Variants in CFAP54 observed in about 807,000 individuals in gnomAD.
CFAP54 encodes cilia and flagella associated protein 54, also known as cilia- and flagella-associated protein 54.
Under a neutral mutation model 370.4 loss-of-function variants are expected in CFAP54, and 290 were observed. That is an observed-to-expected ratio of 0.78 (90% CI 0.71 to 0.86). The LOEUF is 0.86. CFAP54 is among the 40% of genes least tolerant of loss of function. The pLI is 0.00. For synonymous variants in CFAP54, 1,206 were observed against 1,236.5 expected (o/e 0.98, Z 0.52); for missense variants, 3,399 against 3,528.7 (o/e 0.96, Z 0.93).
chr12:96,547,765 C>G, intron 14 of CFAP54, 137 bp from the exon 15 acceptor site: 2 of 398,734 alleles, frequency 5.0e-6, no homozygotes, highest in Non-Finnish European at 8.9e-6. Flanking sequence ...TTTTATTTCT[C>G]TGGTCCTTCC....
intron 39 of CFAP54, among the ~76,000 whole-genome samples, chr12:96,667,357 C>T (rs1397479242): frequency 6.6e-6 from 1 of 152,230 alleles, no homozygotes; most frequent in East Asian, 1.9e-4. Flanking sequence ...GACAGAGGTT[C>T]TCCATGAGGG....
At chr12:96,509,369 A>G (rs2136355919) in intron 4 of CFAP54, among the ~76,000 whole-genome samples, 1 of 152,300 alleles carries the variant, frequency 6.6e-6, no homozygotes, top group Admixed American at 6.5e-5. Context: ...AGTAGTCAAA[A>G]CTATATTTGA....
chr12:96,833,449 A>G (rs1472461199), intron 66 of CFAP54, among the ~76,000 whole-genome samples: 5 of 152,112 alleles, frequency 3.3e-5, no homozygotes, highest in African/African-American at 1.2e-4. Flanking sequence ...AAAATGAAAT[A>G]GTTTCATATT....
intron 12 of CFAP54, among the ~76,000 whole-genome samples, chr12:96,537,234 C>T (rs558026017): frequency 6.6e-6 from 1 of 152,302 alleles, no homozygotes; most frequent in African/African-American, 2.4e-5. Flanking sequence ...CATCAGTTGA[C>T]ACCCAGTGTG....
At chr12:96,825,112 C>T (rs1178552168) in intron 65 of CFAP54, among the ~76,000 whole-genome samples, 1 of 149,880 alleles carries the variant, frequency 6.7e-6, no homozygotes, top group Non-Finnish European at 1.5e-5. Context: ...TTTCAAGGCT[C>T]AATTCTTATG....
intron 50 of CFAP54, among the ~76,000 whole-genome samples, chr12:96,728,203 C>A (rs1451111347): frequency 1.3e-5 from 2 of 151,728 alleles, no homozygotes; most frequent in Admixed American, 6.6e-5. Flanking sequence ...CTCTGTATTT[C>A]CTGAATCTGA....
At chr12:96,690,064 C>T (rs529622620) in intron 43 of CFAP54, among the ~76,000 whole-genome samples, 2 of 152,302 alleles carry the variant, frequency 1.3e-5, no homozygotes, top group African/African-American at 4.8e-5. Flanking sequence ...TCTTTACTTT[C>T]TGATACTCCT....
chr12:96,568,241 G>T (rs919367411), intron 19 of CFAP54, among the ~76,000 whole-genome samples: 60 of 146,308 alleles, frequency 4.1e-4, no homozygotes, highest in South Asian at 1.2e-3. Context: ...TTTAAAAAAT[G>T]TAAAATTTAC....
At chr12:96,602,858 G>A (rs1209448378) in intron 26 of CFAP54, among the ~76,000 whole-genome samples, 9 of 152,144 alleles carry the variant, frequency 5.9e-5, no homozygotes, top group Non-Finnish European at 8.8e-5. Context: ...GTCTTTGCAT[G>A]TAAGATGGGT....
chr12:96,576,512 A>G (rs1592859385), intron 19 of CFAP54, 73 bp from the exon 20 acceptor site: 6 of 1,123,014 alleles, frequency 5.3e-6, no homozygotes, highest in Middle Eastern at 2.5e-4. Flanking sequence ...GTTTAACATC[A>G]CTAGAATTCT....
chr12:96,765,953 A>G (rs1958398397), intron 60 of CFAP54, among the ~76,000 whole-genome samples: 1 of 152,172 alleles, frequency 6.6e-6, no homozygotes, highest in Admixed American at 6.5e-5. Context: ...TTGTGTGCTA[A>G]GCACTTGGAT....
At chr12:96,700,334 T>G (rs1054082640) in intron 46 of CFAP54, among the ~76,000 whole-genome samples, 3 of 151,960 alleles carry the variant, frequency 2.0e-5, no homozygotes, top group Non-Finnish European at 4.4e-5. Context: ...GGCTCAGGGA[T>G]GCTGCATGTT....
At chr12:96,664,337 G>A (rs1349153023) in intron 39 of CFAP54, among the ~76,000 whole-genome samples, 2 of 152,010 alleles carry the variant, frequency 1.3e-5, no homozygotes, top group East Asian at 1.9e-4. Context: ...ATGTGTCCAT[G>A]TGTTCTTATT....
rs756212924 is a variant in CFAP54 at position 96,594,453 on chromosome 12, G to T, written c.3516+7G>T. The T allele has an allele frequency of 6.7e-6, 10 of 1,494,906 alleles. No homozygotes were observed. The South Asian group carries it at 1.2e-4, about 17-fold the overall frequency. The allele number at this position is 1,494,906 out of a possible 1,614,324, so 92.6% of individuals were successfully genotyped here. A position where few individuals can be genotyped will look rare whatever the true frequency, so the allele number is the denominator to read the frequency against. ...TTTGGTACCTGTTGTACAGGTAAGG[G>T]TATTCCTCTCCCCAAGAGAAGGGAA... is the stretch of plus-strand genomic sequence containing the variant. On this transcript the variant is annotated splice_region_variant and intron_variant, in intron 25 of 67. Transcript: ENST00000524981.
chr12:96,822,707 T>C (rs924400206), intron 65 of CFAP54, among the ~76,000 whole-genome samples: 1 of 152,162 alleles, frequency 6.6e-6, no homozygotes, highest in Non-Finnish European at 1.5e-5. Flanking sequence ...ATAATCTAAA[T>C]CTTTCCTGTC....
intron 39 of CFAP54, among the ~76,000 whole-genome samples, chr12:96,665,908 G>A (rs183363447): frequency 6.6e-6 from 1 of 152,264 alleles, no homozygotes; most frequent in East Asian, 1.9e-4. Context: ...ATTGCTTTGG[G>A]CAATATGACT....
Position 96,658,116 on chromosome 12 carries a change from C to T in CFAP54, c.5324+11C>T. The stretch of plus-strand genomic sequence containing the variant: ...CAATACAGTTTCACAGTAAGTACTG[C>T]TGTAAGGGCAATTAAAAGTAGAAGA... On this transcript the variant is annotated intron_variant, in intron 37 of 67. Transcript: ENST00000524981. 6.3e-7 allele frequency: 1 copy of T among 1,592,976 alleles called. No individual in the cohort carries two copies.
Position 96,860,829 on chromosome 12 carries a change from A to T in CFAP54, c.9182A>T (p.Asp3061Val), listed in dbSNP as rs538994754. Residue 3061 changes from aspartate (D) to valine (V), a missense_variant, in exon 67 of 68, where the codon GAT becomes GTT. This residue lies in a region of CFAP54 where 2,796 missense variants were observed against 2,869.7 expected (regional missense o/e 0.97). Coordinates refer to ENST00000524981, the MANE Select transcript of CFAP54 (RefSeq NM_001306084.2). ...EPTPLSEVPF[D>V]ISLPSIFNLE... is the part of the protein sequence containing the mutation. ...TATGTTTTTCCTCAGGTCCCATTTG[A>T]TATCTCACTGCCGTCTATATTCAAT... 1.3e-6 allele frequency: 2 copies of T among 1,530,924 alleles called. No individual in the cohort carries two copies. Among genetic ancestry groups the T allele is most frequent in the South Asian group, 2.4e-5 (2 of 82,510 alleles). 94.8% of individuals were successfully genotyped at this position (1,530,924 alleles called of 1,614,324 possible). A position where few individuals can be genotyped will look rare whatever the true frequency, so the allele number is the denominator to read the frequency against.
intron 63 of CFAP54, among the ~76,000 whole-genome samples, chr12:96,807,888 C>T (rs1025864010): frequency 1.3e-5 from 2 of 152,082 alleles, no homozygotes; most frequent in Non-Finnish European, 2.9e-5. Flanking sequence ...TCATTGAGTC[C>T]TCACACCACC....
Sources: allele counts gnomAD v4.1 joint callset (sites outside exome capture counted in the v4.1 genomes callset), GRCh38; gene constraint gnomAD v4.1.1; regional missense constraint gnomAD v4.1.1; transcripts MANE v1.5; gene names NCBI Gene and HGNC (gene_info 2026-07-23, HGNC 2026-07-21).